Variants in ARHGAP24 observed in about 807,000 individuals in gnomAD.
The protein encoded by ARHGAP24 is rho GTPase-activating protein 24.
ARHGAP24 carries 50 observed loss-of-function variants against 76.4 expected under a neutral mutation model. That is an observed-to-expected ratio of 0.65 (90% CI 0.52 to 0.83). The LOEUF is 0.83. ARHGAP24 is among the 40% of genes least tolerant of loss of function. The pLI is 0.00. For synonymous variants in ARHGAP24, 345 were observed against 323.3 expected (o/e 1.07, Z -0.72); for missense variants, 930 against 914.2 (o/e 1.02, Z -0.22).
chr4:85,742,152 G>A (rs746859841), intron 3 of ARHGAP24, among the ~76,000 whole-genome samples: 1 of 152,198 alleles, frequency 6.6e-6, no homozygotes, highest in Non-Finnish European at 1.5e-5. Context: ...CTGTTTGGCA[G>A]GATTTGGCCA....
At chr4:85,885,003 T>G (rs1451079451) in intron 3 of ARHGAP24, among the ~76,000 whole-genome samples, 1 of 152,122 alleles carries the variant, frequency 6.6e-6, no homozygotes, top group Non-Finnish European at 1.5e-5. Flanking sequence ...TGTCAAGAAA[T>G]ACAAAGAAAC....
intron 4 of ARHGAP24, chr4:85,924,768 T>C (rs892649340): frequency 4.6e-5 from 7 of 152,198 alleles, no homozygotes; most frequent in African/African-American, 1.7e-4. Flanking sequence ...TAGTAAAGAT[T>C]CATTGAAAAC....
At chr4:85,663,465 C>A (rs1028366025) in intron 2 of ARHGAP24, among the ~76,000 whole-genome samples, 3 of 150,086 alleles carry the variant, frequency 2.0e-5, no homozygotes, top group African/African-American at 7.4e-5. Context: ...CATCTGCAAA[C>A]AGGGACAATT....
chr4:85,673,198 T>G (rs1460212123), intron 2 of ARHGAP24, among the ~76,000 whole-genome samples: 1 of 152,154 alleles, frequency 6.6e-6, no homozygotes, highest in Non-Finnish European at 1.5e-5. Flanking sequence ...TTCCCTTTAG[T>G]GGCCTGGATT....
chr4:85,761,800 T>A (rs1726743670), intron 3 of ARHGAP24, among the ~76,000 whole-genome samples: 1 of 152,188 alleles, frequency 6.6e-6, no homozygotes, highest in Non-Finnish European at 1.5e-5. Flanking sequence ...TCTTTTTACC[T>A]CAGGTTACTA....
intron 3 of ARHGAP24, among the ~76,000 whole-genome samples, chr4:85,788,452 G>T (rs1727958405): frequency 6.6e-6 from 1 of 152,128 alleles, no homozygotes; most frequent in South Asian, 2.1e-4. Flanking sequence ...AAAGTGTAAA[G>T]TATACTTTAT....
intron 4 of ARHGAP24, among the ~76,000 whole-genome samples, chr4:85,934,616 G>A (rs1160235399): frequency 6.6e-6 from 1 of 152,200 alleles, no homozygotes; most frequent in Admixed American, 6.5e-5. Flanking sequence ...CCGGGTTCAA[G>A]TGATTCTCCT....
chr4:85,521,795 A>G (rs533813042), intron 1 of ARHGAP24, among the ~76,000 whole-genome samples: 6 of 152,294 alleles, frequency 3.9e-5, no homozygotes, highest in African/African-American at 1.4e-4. Context: ...CTCATAGGAA[A>G]CGTCACAGGA....
At chr4:85,497,403 T>C (rs1430793013) in intron 1 of ARHGAP24, among the ~76,000 whole-genome samples, 1 of 152,258 alleles carries the variant, frequency 6.6e-6, no homozygotes, top group African/African-American at 2.4e-5. Flanking sequence ...AGATTAATTG[T>C]GGGAGAGAAG....
chr4:85,888,315 G>A (rs1184743992), intron 3 of ARHGAP24, among the ~76,000 whole-genome samples: 8 of 149,714 alleles, frequency 5.3e-5, no homozygotes, highest in African/African-American at 1.5e-4. Flanking sequence ...CAGGAAAATC[G>A]CTTGAATCCG....
intron 3 of ARHGAP24, among the ~76,000 whole-genome samples, chr4:85,751,646 A>C (rs1726269700): frequency 6.6e-6 from 1 of 152,220 alleles, no homozygotes; most frequent in Admixed American, 6.5e-5. Context: ...AAAATGAGAA[A>C]ACAGTGTGGA....
intron 2 of ARHGAP24, among the ~76,000 whole-genome samples, chr4:85,571,098 A>G (rs1360456679): frequency 6.6e-6 from 1 of 152,212 alleles, no homozygotes; most frequent in African/African-American, 2.4e-5. Context: ...GAAGAACTGT[A>G]GGCACAACTT....
At position 85,720,649 on chromosome 4, in the gene ARHGAP24, A is replaced by T. The variant is rs1724897148; in HGVS notation, c.181-1236A>T. ...TTGGTTATTGAAATCATAGGCCTGG[A>T]TGAGATAGCCTGGAGAAAGAGAGTA... On this transcript the variant is annotated intron_variant, in intron 2 of 9. Coordinates refer to ENST00000395184, the MANE Select transcript of ARHGAP24 (RefSeq NM_001025616.3). 1.3e-5 allele frequency among the ~76,000 whole-genome samples: 2 copies of T among 152,218 alleles called. 1 individual carries two copies. The highest frequency in any genetic ancestry group is 4.1e-4 in the South Asian group (2 of 4,836).
At chr4:85,966,612 CTT>C (rs766673914) in intron 5 of ARHGAP24, among the ~76,000 whole-genome samples, 11 of 152,110 alleles carry the variant, frequency 7.2e-5, no homozygotes, top group Non-Finnish European at 1.5e-4. Flanking sequence ...TGCTTAGTGT[CTT>C]TGGAATTGCT....
chr4:85,611,634 C>T (rs956306951), intron 2 of ARHGAP24, among the ~76,000 whole-genome samples: 2 of 152,334 alleles, frequency 1.3e-5, no homozygotes, highest in African/African-American at 4.8e-5. Flanking sequence ...TCACCACTTC[C>T]CCTCTGTCCA....
At chr4:85,544,055 TCTC>T (rs1015253731) in intron 1 of ARHGAP24, among the ~76,000 whole-genome samples, 9 of 152,180 alleles carry the variant, frequency 5.9e-5, no homozygotes, top group Admixed American at 5.2e-4. Context: ...ACAGCTTTGT[TCTC>T]CTCCCACTGC....
chr4:85,664,809 G>A (rs182726014), intron 2 of ARHGAP24, among the ~76,000 whole-genome samples: 442 of 152,212 alleles, frequency 2.9e-3, no homozygotes, highest in Non-Finnish European at 4.5e-3. Flanking sequence ...CAGTTTCCAC[G>A]TAGCTGAGCA....
intron 1 of ARHGAP24, among the ~76,000 whole-genome samples, chr4:85,525,656 C>T (rs1476655400): frequency 1.3e-5 from 2 of 152,080 alleles, no homozygotes; most frequent in Non-Finnish European, 2.9e-5. Flanking sequence ...ATTTGTAGCT[C>T]ATTAAATTTA....
chr4:85,773,427 G>A (rs745623652), intron 3 of ARHGAP24, among the ~76,000 whole-genome samples: 2 of 152,018 alleles, frequency 1.3e-5, no homozygotes, highest in Non-Finnish European at 2.9e-5. Context: ...CATTCCACAT[G>A]CCAGCTCTAT....
Sources: gnomAD v4.1 joint callset for allele counts (sites outside exome capture counted in the v4.1 genomes callset) on GRCh38, gnomAD v4.1.1 for gene constraint, MANE v1.5 for transcripts, NCBI Gene and HGNC (gene_info 2026-07-23, HGNC 2026-07-21) for gene names.